FDFT1: variants seen among roughly 807,000 people sequenced by gnomAD.
FDFT1 encodes the protein squalene synthase.
A neutral mutation model predicts 46.8 loss-of-function variants in FDFT1; 68 were observed. The observed-to-expected ratio is 1.45, with a 90% CI of 1.19 to 1.78. FDFT1 has a LOEUF of 1.78. Ranked by LOEUF, FDFT1 falls within the 40% of genes most tolerant of loss-of-function variation. FDFT1 has a pLI of 0.00. For synonymous variants in FDFT1, 351 were observed against 185.1 expected, an observed-to-expected ratio of 1.90 and a Z score of -7.28; for missense variants, 928 against 524.4, an observed-to-expected ratio of 1.77 and a Z score of -7.52.
intron 3 of FDFT1, among the ~76,000 whole-genome samples, chr8:11,817,870 C>T (rs1348661517): frequency 1.3e-5 from 2 of 151,094 alleles, no homozygotes; most frequent in Non-Finnish European, 2.9e-5. Context: ...TTCAGTTCTG[C>T]TCTGATCTTA....
chr8:11,833,928 C>G (rs1293898746), intron 7 of FDFT1, among the ~76,000 whole-genome samples: 1 of 152,208 alleles, frequency 6.6e-6, no homozygotes, highest in East Asian at 1.9e-4. Flanking sequence ...ATTTCTAAGT[C>G]TTAAGCAGTA....
intron 1 of FDFT1, chr8:11,803,269 G>C: frequency 2.2e-6 from 3 of 1,341,166 alleles, no homozygotes; most frequent in Non-Finnish European, 2.9e-6. Context: ...ATGTGGGTGG[G>C]TTACGCGGGA....
chr8:11,802,430 C>T (rs1326747923), upstream of FDFT1: 3 of 459,170 alleles, frequency 6.5e-6, no homozygotes, highest in East Asian at 1.4e-4. Context: ...CCTCCAGTCC[C>T]CACAGCGTTC....
chr8:11,798,740 C>T (rs527655501), upstream of FDFT1, among the ~76,000 whole-genome samples: 5 of 152,198 alleles, frequency 3.3e-5, no homozygotes, highest in Non-Finnish European at 7.3e-5. Context: ...ACTCATTGAG[C>T]ACCCAATAAA....
At chr8:11,797,380 C>T (rs990250609), upstream of FDFT1, among the ~76,000 whole-genome samples, 2 of 152,174 alleles carry the variant, frequency 1.3e-5, no homozygotes, top group Non-Finnish European at 2.9e-5. Flanking sequence ...ATTAGGGGCT[C>T]TCTAACAAAT....
intron 4 of FDFT1, among the ~76,000 whole-genome samples, chr8:11,822,203 A>C (rs894667464): frequency 6.6e-6 from 1 of 152,234 alleles, no homozygotes; most frequent in Non-Finnish European, 1.5e-5. Flanking sequence ...TTTTCATAGG[A>C]ATGGTGTTTG....
intron 3 of FDFT1, among the ~76,000 whole-genome samples, chr8:11,815,458 A>G (rs1345641330): frequency 6.6e-6 from 1 of 152,198 alleles, no homozygotes; most frequent in African/African-American, 2.4e-5. Context: ...GTCTTCCACA[A>G]TGGTTGAACT....
chr8:11,801,748 C>T (rs556341956), upstream of FDFT1: 6 of 345,642 alleles, frequency 1.7e-5, no homozygotes, highest in African/African-American at 8.9e-5. Context: ...GGCTGGAGTG[C>T]AGCGGTGTCA....
chr8:11,829,128 G>C (rs1475793417), intron 5 of FDFT1, among the ~76,000 whole-genome samples: 1 of 146,726 alleles, frequency 6.8e-6, no homozygotes, highest in Non-Finnish European at 1.5e-5. Context: ...CAGTGTGAGA[G>C]TCCCAGTTTC....
chr8:11,808,515 C>T (rs1012858536), intron 1 of FDFT1: 1 of 1,333,250 alleles, frequency 7.5e-7, no homozygotes, highest in Non-Finnish European at 9.5e-7. Flanking sequence ...GTCCGCGATT[C>T]CCATGGCCGC....
At chr8:11,821,608 C>CA (rs1290466525) in intron 3 of FDFT1, 142 bp from the exon 4 acceptor site, 48 of 991,536 alleles carry the variant, frequency 4.8e-5, no homozygotes, top group East Asian at 8.8e-5. Flanking sequence ...AAAACAAAAA[C>CA]AAAAAAAATG....
intron 1 of FDFT1, among the ~76,000 whole-genome samples, chr8:11,805,148 C>T (rs1806668312): frequency 6.6e-6 from 1 of 151,668 alleles, no homozygotes; most frequent in Admixed American, 6.6e-5. Context: ...AACTCCTGAG[C>T]TCAAGCGATT....
At chr8:11,830,517 C>A in intron 6 of FDFT1, 97 bp downstream of exon 6, 2 of 856,926 alleles carry the variant, frequency 2.3e-6, no homozygotes, top group Non-Finnish European at 3.7e-6. Context: ...GATATGATTC[C>A]TTAAAAAGAC....
chr8:11,837,704 C>G (rs1268775578), intron 7 of FDFT1, among the ~76,000 whole-genome samples: 1 of 152,038 alleles, frequency 6.6e-6, no homozygotes, highest in African/African-American at 2.4e-5. Flanking sequence ...GGTTTGAGAT[C>G]TCCTTGGTGA....
rs1340112512 is a variant in FDFT1 at position 11,838,511 on chromosome 8, T to C, written c.1156T>C (p.Tyr386His). ...TTCCCGAAGCCACTACTCCCCCATC[T>C]ACCTGTCGTTTGTCATGCTTTTGGC... Reference protein sequence around the residue: ...LISRSHYSPIYLSFVMLLAAL... With the variant: ...LISRSHYSPIHLSFVMLLAAL... The change falls in exon 8 of 8, where the codon TAC becomes CAC. Residue 386 changes from tyrosine to histidine, a missense_variant. By Grantham distance (83) the Tyr-to-His change is moderately conservative. Transcript: ENST00000220584. The C allele has an allele frequency of 3.7e-6, 6 of 1,608,562 alleles. No individual in the cohort carries two copies. Among genetic ancestry groups the C allele is most frequent in the Non-Finnish European group, 5.1e-6 (6 of 1,176,852 alleles).
At chr8:11,809,137 T>C in intron 2 of FDFT1, 1 of 1,320,854 alleles carries the variant, frequency 7.6e-7, no homozygotes, top group Non-Finnish European at 9.7e-7. Context: ...TATTAACTTT[T>C]TTTAGTCTTG....
chr8:11,811,976 C>G (rs532428842), intron 3 of FDFT1, among the ~76,000 whole-genome samples: 18 of 152,296 alleles, frequency 1.2e-4, no homozygotes, highest in African/African-American at 4.3e-4. Context: ...GTCTTTGAAA[C>G]CAGTTGTCTG....
rs1806993414 is a variant in FDFT1 at position 11,807,349 on chromosome 8, C to A, written c.100-1445C>A. On this transcript the variant is annotated intron_variant, in intron 1 of 7. Transcript: ENST00000220584. ...AATTTTTTAAAAACTTTTTTATGAA[C>A]ACGAGGTCTCACTATGTTGCCCAGG... Among the ~76,000 whole-genome samples, 3 of 152,050 alleles carry A rather than the reference C, an allele frequency of 2.0e-5. No individual in the cohort carries two copies. The South Asian group carries it at 6.2e-4, about 31-fold the overall frequency.
chr8:11,816,124 A>G (rs1808414135), intron 3 of FDFT1, among the ~76,000 whole-genome samples: 1 of 152,214 alleles, frequency 6.6e-6, no homozygotes, highest in Non-Finnish European at 1.5e-5. Context: ...TTAAATAGGG[A>G]ATCCTTTCTC....
Sources: gnomAD v4.1 joint callset for allele counts (sites outside exome capture counted in the v4.1 genomes callset) on GRCh38, gnomAD v4.1.1 for gene constraint, MANE v1.5 for transcripts, NCBI Gene and HGNC (gene_info 2026-07-23, HGNC 2026-07-21) for gene names.